Variants in GALNTL6 observed in about 807,000 individuals in gnomAD.
GALNTL6 encodes the protein polypeptide N-acetylgalactosaminyltransferase like 6.
A neutral mutation model predicts 73.7 loss-of-function variants in GALNTL6; 46 were observed. The ratio of observed to expected loss-of-function variants is 0.62; its 90% CI spans 0.49 to 0.80. GALNTL6 has a LOEUF of 0.80. Ranked by LOEUF, GALNTL6 falls within the 30% of genes least tolerant of loss-of-function variation. The probability of loss-of-function intolerance (pLI) is 0.00; values close to 1 mark genes in which losing one functional copy is unlikely to be tolerated. For synonymous variants in GALNTL6, 259 were observed against 263.7 expected (o/e 0.98, Z 0.17); for missense variants, 604 against 755.0 (o/e 0.80, Z 2.34).
At chr4:172,894,345 C>T in intron 8 of GALNTL6, among the ~76,000 whole-genome samples, 1 of 151,980 alleles carries the variant, frequency 6.6e-6, no homozygotes, top group East Asian at 1.9e-4. Flanking sequence ...GCTATATAAA[C>T]TTCCCTCTTA....
At chr4:172,447,470 C>T (rs1732063854) in intron 5 of GALNTL6, among the ~76,000 whole-genome samples, 1 of 152,140 alleles carries the variant, frequency 6.6e-6, no homozygotes, top group South Asian at 2.1e-4. Context: ...TTTCCCCATA[C>T]TTACAGAAGG....
intron 5 of GALNTL6, among the ~76,000 whole-genome samples, chr4:172,599,588 A>G (rs1737982114): frequency 6.6e-6 from 1 of 152,096 alleles, no homozygotes; most frequent in Non-Finnish European, 1.5e-5. Flanking sequence ...AAAGGAAAAA[A>G]TTTCTTACCA....
intron 5 of GALNTL6, among the ~76,000 whole-genome samples, chr4:172,576,987 T>C (rs1428123689): frequency 1.3e-5 from 2 of 152,166 alleles, no homozygotes; most frequent in African/African-American, 4.8e-5. Context: ...TGTCACAATC[T>C]GTCAGACACT....
At chr4:172,131,275 A>G (rs549092603) in intron 2 of GALNTL6, among the ~76,000 whole-genome samples, 57 of 151,376 alleles carry the variant, frequency 3.8e-4, no homozygotes, top group African/African-American at 1.4e-3. Flanking sequence ...AAATAATTAT[A>G]ACTAGTAAAA....
intron 7 of GALNTL6, among the ~76,000 whole-genome samples, chr4:172,816,812 T>G (rs1260094768): frequency 2.6e-5 from 4 of 152,050 alleles, no homozygotes; most frequent in Non-Finnish European, 4.4e-5. Context: ...TTGGATACAT[T>G]TAAGAAATAT....
intron 2 of GALNTL6, among the ~76,000 whole-genome samples, chr4:172,108,306 C>G (rs1732744741): frequency 6.6e-6 from 1 of 152,108 alleles, no homozygotes; most frequent in South Asian, 2.1e-4. Flanking sequence ...GTAGGGTTCT[C>G]TCTATAATAA....
At chr4:171,883,358 A>G (rs1736510439) in intron 2 of GALNTL6, among the ~76,000 whole-genome samples, 1 of 152,170 alleles carries the variant, frequency 6.6e-6, no homozygotes, top group Non-Finnish European at 1.5e-5. Flanking sequence ...TCTCAAAACA[A>G]AAGTAAAAAT....
chr4:172,049,373 A>G (rs1318618562), intron 2 of GALNTL6, among the ~76,000 whole-genome samples: 1 of 152,258 alleles, frequency 6.6e-6, no homozygotes, highest in East Asian at 1.9e-4. Flanking sequence ...CCCATTTCTT[A>G]TCTTTATTAA....
chr4:172,626,124 T>C (rs1739158785), intron 5 of GALNTL6, among the ~76,000 whole-genome samples: 1 of 152,044 alleles, frequency 6.6e-6, no homozygotes, highest in South Asian at 2.1e-4. Flanking sequence ...GTTTCCTAGG[T>C]TTTTGTCTAG....
At chr4:171,940,146 T>C (rs927615554) in intron 2 of GALNTL6, among the ~76,000 whole-genome samples, 1 of 152,110 alleles carries the variant, frequency 6.6e-6, no homozygotes, top group South Asian at 2.1e-4. Flanking sequence ...AACACACTTC[T>C]AGTCATGTGC....
At chr4:172,355,261 TACAAAGATATATTTGCTGA>T (rs1742109174) in intron 5 of GALNTL6, among the ~76,000 whole-genome samples, 2 of 152,050 alleles carry the variant, frequency 1.3e-5, no homozygotes, top group African/African-American at 4.8e-5. Context: ...ACATTTAATT[TACAAAGATATATTTGCTGA>T]ACCATGCAAA....
intron 2 of GALNTL6, among the ~76,000 whole-genome samples, chr4:172,176,318 C>T (rs1412980140): frequency 3.8e-5 from 2 of 53,318 alleles, no homozygotes; most frequent in African/African-American, 8.6e-5. Context: ...CCAACCTGGG[C>T]GACAGCGAGA....
At chr4:172,779,606 T>G (rs2110891914) in intron 5 of GALNTL6, among the ~76,000 whole-genome samples, 1 of 152,346 alleles carries the variant, frequency 6.6e-6, no homozygotes, top group East Asian at 1.9e-4. Flanking sequence ...AAACCCACAG[T>G]TCTTTGTTTC....
intron 5 of GALNTL6, among the ~76,000 whole-genome samples, chr4:172,784,110 G>C (rs1318490419): frequency 6.6e-6 from 1 of 151,886 alleles, no homozygotes; most frequent in Non-Finnish European, 1.5e-5. Flanking sequence ...TTATTTATGG[G>C]ACAACTAATA....
At chr4:172,721,874 A>G (rs2111359369) in intron 5 of GALNTL6, among the ~76,000 whole-genome samples, 1 of 152,254 alleles carries the variant, frequency 6.6e-6, no homozygotes, top group Non-Finnish European at 1.5e-5. Flanking sequence ...GGGATAATGA[A>G]CTTGTGTTAA....
chr4:172,115,171 A>G (rs916550187), intron 2 of GALNTL6, among the ~76,000 whole-genome samples: 1 of 152,136 alleles, frequency 6.6e-6, no homozygotes, highest in Non-Finnish European at 1.5e-5. Flanking sequence ...AGAAACATTT[A>G]AAATCTTTGA....
At chr4:171,983,323 G>T (rs1739965636) in intron 2 of GALNTL6, among the ~76,000 whole-genome samples, 1 of 152,060 alleles carries the variant, frequency 6.6e-6, no homozygotes, top group Non-Finnish European at 1.5e-5. Context: ...TCCAGAACTA[G>T]TTTGCTCTAT....
chr4:172,128,789 T>C (rs1443415484), intron 2 of GALNTL6, among the ~76,000 whole-genome samples: 2 of 152,218 alleles, frequency 1.3e-5, no homozygotes, highest in East Asian at 1.9e-4. Context: ...AGTCTGGTTG[T>C]TTGACTAGTG....
intron 2 of GALNTL6, among the ~76,000 whole-genome samples, chr4:172,058,564 G>T (rs1162889385): frequency 6.6e-6 from 1 of 151,970 alleles, no homozygotes; most frequent in Non-Finnish European, 1.5e-5. Flanking sequence ...ACACTTGCAT[G>T]TGTGCACACC....
Sources: gnomAD v4.1 joint callset for allele counts (sites outside exome capture counted in the v4.1 genomes callset) on GRCh38, gnomAD v4.1.1 for gene constraint, MANE v1.5 for transcripts, NCBI Gene and HGNC (gene_info 2026-07-23, HGNC 2026-07-21) for gene names.